NAXD: variants seen among roughly 807,000 people sequenced by gnomAD.
NAXD encodes the protein NAD(P)HX dehydratase, also known as ATP-dependent (S)-NAD(P)H-hydrate dehydratase.
In NAXD, 22 loss-of-function variants were observed where a neutral mutation model predicts 35.8. The ratio of observed to expected loss-of-function variants is 0.62; its 90% confidence interval spans 0.44 to 0.88. The LOEUF is 0.88. NAXD is among the 40% of genes least tolerant of loss of function. The pLI, the probability that NAXD is intolerant of heterozygous loss-of-function variation, is 0.00. For synonymous variants in NAXD, 189 were observed against 177.6 expected (o/e 1.06, Z -0.51); for missense variants, 428 against 437.7 (o/e 0.98, Z 0.20).
chr13:110,632,157 G>A (rs1292398179), intron 5 of NAXD, among the ~76,000 whole-genome samples: 1 of 136,900 alleles, frequency 7.3e-6, no homozygotes, highest in Non-Finnish European at 1.6e-5. Context: ...CTTCTGGTGG[G>A]TTCGTGGTCT....
Position 110,638,898 on chromosome 13 carries a change from C to T in NAXD, c.*370C>T, listed in dbSNP as rs1177535127. 2.2e-5 allele frequency: 8 copies of T among 361,078 alleles called. No homozygotes were observed. The highest frequency in any genetic ancestry group is 8.4e-5 in the South Asian group (4 of 47,730). The allele number at this position is 361,078 out of a possible 1,614,324, so 22.4% of individuals were successfully genotyped here. A position where few individuals can be genotyped will look rare whatever the true frequency, so the allele number is the denominator to read the frequency against. ...AGTTTCTACTTGTTACTCTCTCTGCCGGCGCCCTTCGTTCCTCCTCTGCTT... is the reference window on the plus strand; with the variant it reads ...AGTTTCTACTTGTTACTCTCTCTGCTGGCGCCCTTCGTTCCTCCTCTGCTT... On this transcript the variant is annotated 3_prime_UTR_variant, in exon 10 of 10. Coordinates refer to ENST00000680254, the MANE Select transcript of NAXD (RefSeq NM_001242882.2). This position sits in a 1 kb window ranked among gnomAD's most constrained non-coding sequence, Gnocchi z 5.4.
intron 5 of NAXD, among the ~76,000 whole-genome samples, chr13:110,629,998 C>CA (rs1886645885): frequency 6.6e-6 from 1 of 152,134 alleles, no homozygotes; most frequent in East Asian, 1.9e-4. Flanking sequence ...TGCATGTGCT[C>CA]ATTGGCTGTT....
rs66568468 is a variant in NAXD, at chr13:110,638,916, CT to C, written c.*389del. 117,685 of 368,876 alleles carry C rather than the reference CT, an allele frequency of 0.32. 20,137 individuals are homozygous for C. Among genetic ancestry groups the C allele is most frequent in the Admixed American group, 0.47 (12,861 of 27,380 alleles). The allele number at this position is 368,876 out of a possible 1,614,324, so 22.9% of individuals were successfully genotyped here. A position where few individuals can be genotyped will look rare whatever the true frequency, so the allele number is the denominator to read the frequency against. On this transcript the variant is annotated 3_prime_UTR_variant, in exon 10 of 10. Coordinates refer to ENST00000680254, the MANE Select transcript of NAXD (RefSeq NM_001242882.2). This position sits in a 1 kb window ranked among gnomAD's most constrained non-coding sequence, Gnocchi z 5.4. ...TCTCTGCCGGCGCCCTTCGTTCCTC[CT>C]CTGCTTCCCTTCCCTAGTCTTTCCT... is the stretch of plus-strand genomic sequence containing the variant.
intron 5 of NAXD, among the ~76,000 whole-genome samples, chr13:110,629,782 C>G (rs1886637366): frequency 2.6e-5 from 4 of 152,178 alleles, no homozygotes; most frequent in Admixed American, 2.6e-4. Flanking sequence ...TTAAGTGTTT[C>G]ACATTTTGAG....
rs371855009 is a variant in NAXD, at chr13:110,615,629, A to T, written c.28A>T (p.Ile10Phe). 7.4e-6 allele frequency: 11 copies of T among 1,482,744 alleles called. No individual in the cohort carries two copies. In the East Asian group the frequency reaches 2.6e-4, roughly 36 times the overall value. 91.8% of individuals were successfully genotyped at this position (1,482,744 alleles called of 1,614,324 possible). MALGPRCGAIRACRRVLERA... is the reference protein window; with the variant it reads MALGPRCGAFRACRRVLERA... ...GGCCCTGGGTCCTCGCTGTGGGGCA[A>T]TCCGGGCTTGCAGACGAGGTAAGGT... The change falls in exon 1 of 10, where the codon ATC (isoleucine) becomes TTC (phenylalanine). Residue 10 changes from isoleucine (I) to phenylalanine (F), a missense_variant. Coordinates refer to ENST00000680254, the MANE Select transcript of NAXD (RefSeq NM_001242882.2).
At chr13:110,622,393 G>GT (rs761103844) in intron 2 of NAXD, 27 bp downstream of exon 2, 1 of 1,607,104 alleles carries the variant, frequency 6.2e-7, no homozygotes, top group Non-Finnish European at 8.5e-7. Flanking sequence ...CAGTGTTGGT[G>GT]TTTAAAAAGT....
In NAXD at chr13:110,638,533, G is replaced by T; in HGVS notation, c.*5G>T. The T allele has an allele frequency of 1.9e-6, 3 of 1,611,346 alleles. No homozygotes were observed. Among genetic ancestry groups the T allele is most frequent in the Non-Finnish European group, 2.5e-6 (3 of 1,178,970 alleles). ...AGCAAGCTCTTTGAAACCTGAGCCC[G>T]CGCAGACCAGAAGTAAACAGGCACC... On this transcript the variant is annotated 3_prime_UTR_variant, in exon 10 of 10. Coordinates refer to ENST00000680254, the MANE Select transcript of NAXD (RefSeq NM_001242882.2). The surrounding 1 kb of genome is among the most constrained non-coding windows in gnomAD (Gnocchi z 5.4).
At chr13:110,617,010 T>A (rs1480886329) in intron 1 of NAXD, among the ~76,000 whole-genome samples, 1 of 152,192 alleles carries the variant, frequency 6.6e-6, no homozygotes, top group Non-Finnish European at 1.5e-5. Flanking sequence ...ATTTAGAGAT[T>A]TATTTGTAGC....
intron 4 of NAXD, 97 bp from the exon 5 acceptor site, chr13:110,627,336 CTATTTA>C (rs1886522084): frequency 1.4e-6 from 1 of 719,504 alleles, no homozygotes; most frequent in Non-Finnish European, 2.3e-6. Flanking sequence ...AAAGTCATTA[CTATTTA>C]TAAGTTATTT....
At chr13:110,637,574 AAGAT>A (rs1213507406) in intron 9 of NAXD, among the ~76,000 whole-genome samples, 1 of 152,214 alleles carries the variant, frequency 6.6e-6, no homozygotes, top group East Asian at 1.9e-4. Flanking sequence ...ACAGAATACT[AAGAT>A]AGAAAACAGA....
intron 4 of NAXD, among the ~76,000 whole-genome samples, chr13:110,625,986 A>G (rs934759662): frequency 2.6e-5 from 4 of 152,054 alleles, no homozygotes; most frequent in African/African-American, 9.7e-5. Context: ...GCACAGTGTG[A>G]TGACGCCTGG....
intron 1 of NAXD, chr13:110,615,887 A>G (rs1886032142): frequency 1.1e-6 from 1 of 901,596 alleles, no homozygotes; most frequent in Non-Finnish European, 1.5e-6. Flanking sequence ...TAGGGAGAGG[A>G]CGGAGGCCTC....
rs572899269 is a variant in NAXD at position 110,626,142 on chromosome 13, A to G, written c.332+864A>G. Among the ~76,000 whole-genome samples, 26 of 151,984 alleles carry G rather than the reference A, an allele frequency of 1.7e-4. No individual in the cohort carries two copies. The South Asian group carries it at 5.4e-3, about 32-fold the overall frequency. On this transcript the variant is annotated intron_variant, in intron 4 of 9. Coordinates refer to ENST00000680254, the MANE Select transcript of NAXD (RefSeq NM_001242882.2). ...AGGGCTGTGGCTCTGGCCCTGAGTAAGCAGGGCAGGGCCAGTGTGGGTCAT... is the reference window on the plus strand; with the variant it reads ...AGGGCTGTGGCTCTGGCCCTGAGTAGGCAGGGCAGGGCCAGTGTGGGTCAT...
Position 110,638,771 on chromosome 13 carries a change from C to G in NAXD, c.*243C>G. The G allele has an allele frequency of 1.5e-6, 1 of 671,748 alleles. No homozygotes were observed. The highest frequency in any genetic ancestry group is 2.7e-6 in the Non-Finnish European group (1 of 365,620). The allele number at this position is 671,748 out of a possible 1,614,324, so 41.6% of individuals were successfully genotyped here. ...AAGTATTCCTGAACTTTCCTTAGCT[C>G]CTTGGTAGTAACTGGGAAGACAGAA... On this transcript the variant is annotated 3_prime_UTR_variant, in exon 10 of 10. Transcript: ENST00000680254. The surrounding 1 kb of genome is among the most constrained non-coding windows in gnomAD (Gnocchi z 5.4).
intron 5 of NAXD, among the ~76,000 whole-genome samples, chr13:110,633,761 T>C (rs970913613): frequency 6.6e-6 from 1 of 151,948 alleles, no homozygotes; most frequent in East Asian, 1.9e-4. Flanking sequence ...ACATGTAGTT[T>C]TTTTTTTTTA....
chr13:110,620,771 C>G lies in NAXD; in HGVS notation c.47-1445C>G, dbSNP rs576539306. ...CAAAGCTCTTTTGCTGTGAAACGCT[C>G]AGTGAGCTTTGGACTGCAGTCAGTG... On this transcript the variant is annotated intron_variant, in intron 1 of 9. Coordinates refer to ENST00000680254, the MANE Select transcript of NAXD (RefSeq NM_001242882.2). Among the ~76,000 whole-genome samples, 4 of 152,292 alleles carry G rather than the reference C, an allele frequency of 2.6e-5. No homozygotes were observed. In the East Asian group the frequency reaches 7.7e-4, roughly 29 times the overall value.
intron 2 of NAXD, among the ~76,000 whole-genome samples, chr13:110,624,025 T>C (rs1156525584): frequency 6.6e-6 from 1 of 151,614 alleles, no homozygotes; most frequent in Non-Finnish European, 1.5e-5. Context: ...AAAAAAGACA[T>C]TTCTAGTCGA....
chr13:110,637,707 C>T (rs964497857), intron 9 of NAXD: 6 of 456,438 alleles, frequency 1.3e-5, no homozygotes, highest in African/African-American at 6.0e-5. Flanking sequence ...TTTATGAATG[C>T]AAGCAGTTCC....
intron 8 of NAXD, among the ~76,000 whole-genome samples, chr13:110,636,804 C>T (rs1177972406): frequency 1.3e-5 from 2 of 152,206 alleles, no homozygotes; most frequent in Non-Finnish European, 2.9e-5. Context: ...TGGAGGCTGG[C>T]GCCGCCCTGC....
Sources: gnomAD v4.1 joint callset for allele counts (sites outside exome capture counted in the v4.1 genomes callset) on GRCh38, gnomAD v4.1.1 for gene constraint, Gnocchi (gnomAD v3.1) non-coding constraint, MANE v1.5 for transcripts, NCBI Gene and HGNC (gene_info 2026-07-23, HGNC 2026-07-21) for gene names.